Variants in CYB5R4 observed in about 807,000 individuals in gnomAD.
The protein encoded by CYB5R4 is cytochrome b5 reductase 4, also known as N-terminal cytochrome b5 and cytochrome b5 oxidoreductase domain-containing protein.
In CYB5R4, 55 loss-of-function variants were observed where a neutral mutation model predicts 70.2. That is an observed-to-expected ratio of 0.78 (90% CI 0.63 to 0.98). The LOEUF (loss-of-function observed/expected upper bound fraction) is 0.98. Ranked by LOEUF, CYB5R4 falls within the 50% of genes least tolerant of loss-of-function variation. The pLI, the probability that CYB5R4 is intolerant of heterozygous loss-of-function variation, is 0.00. For missense variants in CYB5R4, 562 were observed against 612.6 expected (o/e 0.92, Z 0.87); for synonymous variants, 197 against 199.5 (o/e 0.99, Z 0.11).
intron 15 of CYB5R4, among the ~76,000 whole-genome samples, chr6:83,958,182 C>T (rs891645534): frequency 6.6e-6 from 1 of 152,110 alleles, no homozygotes; most frequent in East Asian, 1.9e-4. Flanking sequence ...AGATAAGCAG[C>T]TTATCATTAC....
chr6:83,951,358 C>T (rs1326917147), intron 14 of CYB5R4, among the ~76,000 whole-genome samples: 1 of 152,064 alleles, frequency 6.6e-6, no homozygotes, highest in South Asian at 2.1e-4. Context: ...CATAGGTATA[C>T]GTGTACCATG....
Position 83,964,063 on chromosome 6 carries a change from C to CT in CYB5R4, c.*4192dup. 4 of 189,352 alleles carry CT rather than the reference C, an allele frequency of 2.1e-5. No individual in the cohort carries two copies. Among genetic ancestry groups the CT allele is most frequent in the Non-Finnish European group, 4.2e-5 (4 of 95,178 alleles). The allele number at this position is 189,352 out of a possible 1,614,324, so 11.7% of individuals were successfully genotyped here. ...TGGAACTGTAAGTCCAATTAAACCC[C>CT]TTTTTTTCCCCAGTCTCAGGTACGT... is the stretch of plus-strand genomic sequence containing the variant. On this transcript the variant is annotated 3_prime_UTR_variant, in exon 16 of 16. Transcript: ENST00000369681.
At chr6:83,959,062 C>T (rs963864430) in intron 15 of CYB5R4, among the ~76,000 whole-genome samples, 3 of 152,090 alleles carry the variant, frequency 2.0e-5, no homozygotes, top group African/African-American at 7.2e-5. Flanking sequence ...CATTTATTCT[C>T]CCTTTGTTAT....
intron 10 of CYB5R4, among the ~76,000 whole-genome samples, chr6:83,926,906 A>G (rs1282570123): frequency 1.3e-5 from 2 of 152,154 alleles, no homozygotes; most frequent in African/African-American, 4.8e-5. Flanking sequence ...TGGTCCTGCC[A>G]GTTTCTGGGC....
intron 3 of CYB5R4, among the ~76,000 whole-genome samples, chr6:83,901,969 A>T (rs1369191639): frequency 6.6e-6 from 1 of 151,958 alleles, no homozygotes; most frequent in African/African-American, 2.4e-5. Context: ...CCCATTCAAC[A>T]TGTTGTGTCT....
chr6:83,882,648 A>G (rs543004181), intron 2 of CYB5R4, among the ~76,000 whole-genome samples: 1 of 152,198 alleles, frequency 6.6e-6, no homozygotes, highest in Non-Finnish European at 1.5e-5. Context: ...GTTCACAAGT[A>G]TTTTAAAGCA....
At chr6:83,936,601 G>A (rs2099468956) in intron 12 of CYB5R4, among the ~76,000 whole-genome samples, 1 of 151,994 alleles carries the variant, frequency 6.6e-6, no homozygotes, top group Non-Finnish European at 1.5e-5. Context: ...AACTCGAGTC[G>A]GCCTTGATTC....
At chr6:83,865,233 G>T (rs910511683) in intron 2 of CYB5R4, among the ~76,000 whole-genome samples, 9 of 152,104 alleles carry the variant, frequency 5.9e-5, no homozygotes, top group African/African-American at 1.7e-4. Context: ...TTACTTTTAA[G>T]AAGTATGGTC....
chr6:83,938,315 C>A (rs2099469228), intron 12 of CYB5R4, among the ~76,000 whole-genome samples: 1 of 152,068 alleles, frequency 6.6e-6, no homozygotes, highest in African/African-American at 2.4e-5. Context: ...GGAGAGTTGT[C>A]CTAGAGCATG....
At chr6:83,912,815 T>C (rs1369558330) in intron 4 of CYB5R4, among the ~76,000 whole-genome samples, 2 of 152,204 alleles carry the variant, frequency 1.3e-5, no homozygotes, top group Admixed American at 1.3e-4. Context: ...GTAGGAGAAT[T>C]TTTAAAGGTA....
chr6:83,911,917 C>T (rs990007492), intron 4 of CYB5R4, among the ~76,000 whole-genome samples: 3 of 151,810 alleles, frequency 2.0e-5, no homozygotes, highest in African/African-American at 7.3e-5. Context: ...ATTAACCAGG[C>T]CTAGTGGTGC....
chr6:83,924,551 C>T lies in CYB5R4; in HGVS notation c.773C>T (p.Pro258Leu), dbSNP rs1562840704. The T allele has an allele frequency of 1.2e-6, 2 of 1,613,358 alleles. No homozygotes were observed. Among genetic ancestry groups the T allele is most frequent in the Non-Finnish European group, 1.7e-6 (2 of 1,179,546 alleles). ...ACTTCTTGGGACTTTCTTGGCCATC[C>T]CCTGAAGAATCATAATTCACTTATT... Reference protein sequence around the residue: ...ENTSWDFLGHPLKNHNSLIPR... With the variant: ...ENTSWDFLGHLLKNHNSLIPR... Residue 258 changes from proline (P) to leucine (L), a missense_variant, in exon 10 of 16, where the codon CCC becomes CTC. Physicochemically the swap from Pro to Leu is moderately conservative, Grantham distance 98. Transcript: ENST00000369681.
intron 14 of CYB5R4, 93 bp downstream of exon 14, chr6:83,940,694 G>A: frequency 7.2e-7 from 1 of 1,391,364 alleles, no homozygotes; most frequent in Admixed American, 3.0e-5. Context: ...TGATTGTCCA[G>A]GAAGCTCCTT....
chr6:83,896,102 G>A (rs756317560), intron 3 of CYB5R4, among the ~76,000 whole-genome samples: 11 of 151,894 alleles, frequency 7.2e-5, no homozygotes, highest in South Asian at 6.2e-4. Flanking sequence ...TTGAATTCCC[G>A]GAGTAATCTT....
rs2129147310 is a variant in CYB5R4 at position 83,963,235 on chromosome 6, T to G, written c.*3357T>G. ...TCCAAGATAAGATGATTAGGTTTTG[T>G]CTAGATAGGGGCCCTTGCTATGGGC... On this transcript the variant is annotated 3_prime_UTR_variant, in exon 16 of 16. Transcript: ENST00000369681. The G allele has an allele frequency of 6.6e-6, 1 of 152,328 alleles. No individual in the cohort carries two copies. The highest frequency in any genetic ancestry group is 1.5e-5 in the Non-Finnish European group (1 of 68,038). The allele number at this position is 152,328 out of a possible 1,614,324, so 9.4% of individuals were successfully genotyped here. A position where few individuals can be genotyped will look rare whatever the true frequency, so the allele number is the denominator to read the frequency against.
chr6:83,879,648 T>C (rs1365385156), intron 2 of CYB5R4, among the ~76,000 whole-genome samples: 1 of 152,196 alleles, frequency 6.6e-6, no homozygotes, highest in East Asian at 1.9e-4. Flanking sequence ...ACTCTTGCAC[T>C]ACCCTCTAAT....
intron 3 of CYB5R4, among the ~76,000 whole-genome samples, chr6:83,901,279 T>G (rs1028898671): frequency 2.0e-5 from 3 of 152,238 alleles, no homozygotes; most frequent in African/African-American, 7.2e-5. Flanking sequence ...TTGAAGAATG[T>G]TGAATATTGG....
intron 1 of CYB5R4, among the ~76,000 whole-genome samples, chr6:83,863,490 A>G (rs148927238): frequency 2.0e-5 from 3 of 152,328 alleles, no homozygotes; most frequent in African/African-American, 4.8e-5. Flanking sequence ...ACTATAGTTA[A>G]TTGTCTCTTT....
rs1303452127 is a variant in CYB5R4 at position 83,967,315 on chromosome 6, G to GT, written c.*7438dup. 4 of 152,180 alleles carry GT rather than the reference G, an allele frequency of 2.6e-5. No individual in the cohort carries two copies. The highest frequency in any genetic ancestry group is 4.4e-5 in the Non-Finnish European group (3 of 68,034). 9.4% of individuals were successfully genotyped at this position (152,180 alleles called of 1,614,324 possible). The stretch of plus-strand genomic sequence containing the variant: ...CAAAATGAGAGTTAAAAAAGAAAGA[G>GT]TATAGGTATATGCTAAACTATTTCA... On this transcript the variant is annotated 3_prime_UTR_variant, in exon 16 of 16. Coordinates refer to ENST00000369681, the MANE Select transcript of CYB5R4 (RefSeq NM_016230.4).
Sources: gnomAD v4.1 joint callset for allele counts (sites outside exome capture counted in the v4.1 genomes callset) on GRCh38, gnomAD v4.1.1 for gene constraint, MANE v1.5 for transcripts, NCBI Gene and HGNC (gene_info 2026-07-23, HGNC 2026-07-21) for gene names.